The following FGF12 variants were observed in gnomAD, a reference collection of about 807,000 sequenced individuals.
FGF12 encodes fibroblast growth factor 12, also known as fibroblast growth factor 12B.
A neutral mutation model predicts 23.6 loss-of-function variants in FGF12; 14 were observed. The ratio of observed to expected loss-of-function variants is 0.59; its 90% CI spans 0.39 to 0.93. The LOEUF (loss-of-function observed/expected upper bound fraction) is 0.93. Among genes scored for constraint, FGF12 ranks in the 40% least tolerant of loss-of-function variants. The pLI, the probability that FGF12 is intolerant of heterozygous loss-of-function variation, is 0.00. For synonymous variants in FGF12, 62 were observed against 77.3 expected, an observed-to-expected ratio of 0.80 and a Z score of 1.04; for missense variants, 175 against 217.8, an observed-to-expected ratio of 0.80 and a Z score of 1.24.
intron 2 of FGF12, among the ~76,000 whole-genome samples, chr3:192,496,159 G>A (rs1283417687): frequency 1.3e-5 from 2 of 152,132 alleles, no homozygotes; most frequent in East Asian, 3.8e-4. Flanking sequence ...AAAAGCCGAA[G>A]CAAGATGAAA....
At chr3:192,181,633 T>G (rs934599777) in intron 4 of FGF12, among the ~76,000 whole-genome samples, 5 of 149,874 alleles carry the variant, frequency 3.3e-5, no homozygotes, top group Non-Finnish European at 5.9e-5. Context: ...TAATTTGTTT[T>G]TTTTTTTTTT....
intron 4 of FGF12, among the ~76,000 whole-genome samples, chr3:192,333,750 G>A (rs952571568): frequency 1.3e-5 from 2 of 152,054 alleles, no homozygotes; most frequent in South Asian, 4.1e-4. Context: ...TAGCTTAAGT[G>A]AAAATCGATG....
intron 2 of FGF12, among the ~76,000 whole-genome samples, chr3:192,594,693 T>A (rs538051513): frequency 6.6e-6 from 1 of 151,814 alleles, no homozygotes; most frequent in South Asian, 2.1e-4. Flanking sequence ...AGCAAGAGAG[T>A]CCTGAGCTGA....
Position 192,164,484 on chromosome 3 carries a change from T to C in FGF12, c.427+5974A>G, listed in dbSNP as rs1421259350. The stretch of plus-strand genomic sequence containing the variant: ...ATGGGCTGGTGGGTAATTATTATCA[T>C]GTTATCAGTGTAGGACTTAACCATC... On this transcript the variant is annotated intron_variant, in intron 5 of 5. Coordinates refer to ENST00000445105, the MANE Select transcript of FGF12 (RefSeq NM_004113.6). Among the ~76,000 whole-genome samples, 7 of 152,322 alleles carry C rather than the reference T, an allele frequency of 4.6e-5. No individual in the cohort carries two copies. The East Asian group carries it at 9.6e-4, about 21-fold the overall frequency.
chr3:192,433,537 T>C (rs1721926279), intron 2 of FGF12, among the ~76,000 whole-genome samples: 1 of 152,228 alleles, frequency 6.6e-6, no homozygotes, highest in Admixed American at 6.5e-5. Flanking sequence ...TTTTTGTCTG[T>C]AAATGTTTTC....
chr3:192,708,117 A>G lies in FGF12; in HGVS notation c.13+19064T>C, dbSNP rs370037866. On this transcript the variant is annotated intron_variant, in intron 2 of 5. Transcript: ENST00000445105. ...TGGGACTACAGGCGCCTGCCACCAC[A>G]CCCGGCCAATTTTTTGTATTTTTAG... Among the ~76,000 whole-genome samples, 427 of 151,760 alleles carry G rather than the reference A, an allele frequency of 2.8e-3. 7 individuals are homozygous for G. The South Asian group carries it at 0.029, about 10-fold the overall frequency.
At chr3:192,666,162 T>A (rs1413668689) in intron 2 of FGF12, among the ~76,000 whole-genome samples, 2 of 152,202 alleles carry the variant, frequency 1.3e-5, no homozygotes, top group Admixed American at 1.3e-4. Flanking sequence ...CATTAAAAAG[T>A]CATTTAATTT....
chr3:192,247,044 GGAAGGA>G (rs1711649656), intron 4 of FGF12, among the ~76,000 whole-genome samples: 1 of 22,578 alleles, frequency 4.4e-5, no homozygotes, highest in African/African-American at 1.7e-4. Context: ...AAGGAAGGAA[GGAAGGA>G]AGGAAGGAAG....
At chr3:192,218,397 G>T (rs547705158) in intron 4 of FGF12, among the ~76,000 whole-genome samples, 2 of 152,238 alleles carry the variant, frequency 1.3e-5, no homozygotes, top group East Asian at 3.9e-4. Context: ...TTGTTGGGAG[G>T]TGATGGATCA....
chr3:192,308,019 G>A (rs967064442), intron 4 of FGF12, among the ~76,000 whole-genome samples: 7 of 152,212 alleles, frequency 4.6e-5, no homozygotes, highest in East Asian at 3.9e-4. Flanking sequence ...AGAAACGCAC[G>A]TTAGAAATCT....
At chr3:192,319,041 G>A (rs1716390106) in intron 4 of FGF12, among the ~76,000 whole-genome samples, 1 of 151,964 alleles carries the variant, frequency 6.6e-6, no homozygotes, top group South Asian at 2.1e-4. Context: ...CCTACATAAA[G>A]GAAGGAAAAA....
At chr3:192,160,879 A>G (rs1714831282) in intron 5 of FGF12, among the ~76,000 whole-genome samples, 1 of 152,126 alleles carries the variant, frequency 6.6e-6, no homozygotes. Flanking sequence ...AGTTCCCTGA[A>G]ACTGACCAAT....
chr3:192,653,889 G>A (rs1352000138), intron 2 of FGF12, among the ~76,000 whole-genome samples: 4 of 151,930 alleles, frequency 2.6e-5, no homozygotes. Flanking sequence ...TAATTTTTGT[G>A]TATGGGTTTA....
At chr3:192,355,215 T>C (rs950129500) in intron 3 of FGF12, among the ~76,000 whole-genome samples, 2 of 152,226 alleles carry the variant, frequency 1.3e-5, no homozygotes, top group Non-Finnish European at 2.9e-5. Flanking sequence ...GAGGATATTC[T>C]TTATAGGATT....
intron 2 of FGF12, among the ~76,000 whole-genome samples, chr3:192,583,687 G>C (rs543465912): frequency 1.3e-5 from 2 of 152,178 alleles, no homozygotes; most frequent in Admixed American, 1.3e-4. Flanking sequence ...CATCTGACCT[G>C]TTTCCTTGGT....
intron 2 of FGF12, among the ~76,000 whole-genome samples, chr3:192,627,768 C>T (rs975129541): frequency 6.6e-6 from 1 of 151,946 alleles, no homozygotes; most frequent in Admixed American, 6.6e-5. Flanking sequence ...TAATATTTTG[C>T]AAAACTATTA....
intron 2 of FGF12, among the ~76,000 whole-genome samples, chr3:192,632,358 C>T (rs1715420713): frequency 6.6e-6 from 1 of 152,226 alleles, no homozygotes; most frequent in Admixed American, 6.5e-5. Flanking sequence ...AAAAAAACCA[C>T]TGCCAGAAAG....
chr3:192,531,748 C>T (rs1725094421), intron 2 of FGF12, among the ~76,000 whole-genome samples: 1 of 152,168 alleles, frequency 6.6e-6, no homozygotes, highest in African/African-American at 2.4e-5. Context: ...CAACCCCCTC[C>T]TTTAATTTTC....
At chr3:192,394,850 A>C (rs536454631) in intron 2 of FGF12, among the ~76,000 whole-genome samples, 2 of 152,250 alleles carry the variant, frequency 1.3e-5, no homozygotes, top group Non-Finnish European at 2.9e-5. Context: ...GAAAAGAAGA[A>C]AAACAAATGA....
Sources: gnomAD v4.1 joint callset for allele counts (sites outside exome capture counted in the v4.1 genomes callset) on GRCh38, gnomAD v4.1.1 for gene constraint, MANE v1.5 for transcripts, NCBI Gene and HGNC (gene_info 2026-07-23, HGNC 2026-07-21) for gene names.